MAGI2: variants seen among roughly 807,000 people sequenced by gnomAD.
MAGI2 encodes membrane-associated guanylate kinase, WW and PDZ domain-containing protein 2.
In MAGI2, 35 loss-of-function variants were observed where a neutral mutation model predicts 133.3. The observed-to-expected ratio is 0.26, with a 90% CI of 0.20 to 0.35. The LOEUF is 0.35. Ranked by LOEUF, MAGI2 falls within the 10% of genes least tolerant of loss-of-function variation. The pLI, the probability that MAGI2 is intolerant of heterozygous loss-of-function variation, is 1.00. For synonymous variants in MAGI2, 729 were observed against 710.6 expected (o/e 1.03, Z -0.41); for missense variants, 1,636 against 1,863.4 (o/e 0.88, Z 2.25).
intron 2 of MAGI2, among the ~76,000 whole-genome samples, chr7:78,649,734 A>G (rs1194442734): frequency 6.6e-6 from 1 of 152,084 alleles, no homozygotes; most frequent in African/African-American, 2.4e-5. Context: ...TGTTATAGGT[A>G]TCAGGTCATA....
intron 2 of MAGI2, among the ~76,000 whole-genome samples, chr7:78,956,963 C>T (rs1802426850): frequency 6.6e-6 from 1 of 151,898 alleles, no homozygotes; most frequent in African/African-American, 2.4e-5. Context: ...ATTTTGATGG[C>T]TATTATTAAA....
intron 2 of MAGI2, among the ~76,000 whole-genome samples, chr7:78,891,614 C>T (rs976500736): frequency 1.1e-4 from 17 of 152,164 alleles, no homozygotes; most frequent in Non-Finnish European, 2.1e-4. Context: ...GTAAACAGAA[C>T]CAATGACAAA....
At chr7:78,537,196 CACACACACACAG>C (rs961143153) in intron 3 of MAGI2, among the ~76,000 whole-genome samples, 2 of 151,826 alleles carry the variant, frequency 1.3e-5, no homozygotes, top group African/African-American at 2.4e-5. Flanking sequence ...CACACACACA[CACACACACACAG>C]ACACATTTTC....
intron 2 of MAGI2, among the ~76,000 whole-genome samples, chr7:78,854,632 G>A (rs565651660): frequency 1.3e-5 from 2 of 150,790 alleles, no homozygotes; most frequent in East Asian, 1.9e-4. Context: ...GGCTAGGTTG[G>A]TTTCTTCTTC....
intron 6 of MAGI2, among the ~76,000 whole-genome samples, chr7:78,425,859 G>C (rs1799228238): frequency 6.6e-6 from 1 of 152,184 alleles, no homozygotes; most frequent in Non-Finnish European, 1.5e-5. Flanking sequence ...ATCTGACAGG[G>C]TCAATAATCT....
Position 78,134,849 on chromosome 7 carries a change from C to T in MAGI2, c.3031+172G>A, listed in dbSNP as rs1273746878. On this transcript the variant is annotated intron_variant, in intron 17 of 21. Coordinates refer to ENST00000354212, the MANE Select transcript of MAGI2 (RefSeq NM_012301.4). ...TACTGAGTAAACAAGATATGGATTG[C>T]AACTGAGTGTGAGTTTTTGCAAAAG... The T allele has an allele frequency of 2.5e-5, 15 of 592,018 alleles. No homozygotes were observed. In the East Asian group the frequency reaches 3.1e-4, roughly 12 times the overall value. The allele number at this position is 592,018 out of a possible 1,614,324, so 36.7% of individuals were successfully genotyped here. A position where few individuals can be genotyped will look rare whatever the true frequency, so the allele number is the denominator to read the frequency against.
intron 16 of MAGI2, among the ~76,000 whole-genome samples, chr7:78,147,321 G>T (rs1432349525): frequency 6.6e-6 from 1 of 152,162 alleles, no homozygotes; most frequent in Non-Finnish European, 1.5e-5. Flanking sequence ...GACTTGAAAA[G>T]TGAGACCATC....
chr7:79,290,552 C>T (rs1286576450), intron 1 of MAGI2, among the ~76,000 whole-genome samples: 1 of 152,018 alleles, frequency 6.6e-6, no homozygotes, highest in Non-Finnish European at 1.5e-5. Flanking sequence ...ATGTTCACCT[C>T]AAATTTGCTT....
At chr7:78,962,539 A>G (rs1348699543) in intron 2 of MAGI2, among the ~76,000 whole-genome samples, 1 of 150,788 alleles carries the variant, frequency 6.6e-6, no homozygotes, top group Non-Finnish European at 1.5e-5. Flanking sequence ...AGATAGGTAC[A>G]TGCTGTGCTA....
chr7:79,136,084 A>AGAAAGAAAGAAAGAAG (rs1821505028), intron 1 of MAGI2, among the ~76,000 whole-genome samples: 2 of 141,072 alleles, frequency 1.4e-5, no homozygotes, highest in African/African-American at 5.7e-5. Flanking sequence ...AAAGAAAGAA[A>AGAAAGAAAGAAAGAAG]GAAAGAAAGA....
chr7:79,139,087 G>C (rs531622983), intron 1 of MAGI2, among the ~76,000 whole-genome samples: 35 of 151,746 alleles, frequency 2.3e-4, no homozygotes, highest in Non-Finnish European at 4.0e-4. Flanking sequence ...GCTAAGGGGA[G>C]AGGCCTTAGA....
intron 3 of MAGI2, among the ~76,000 whole-genome samples, chr7:78,547,332 T>C (rs1213412628): frequency 2.0e-5 from 3 of 152,236 alleles, no homozygotes; most frequent in Non-Finnish European, 4.4e-5. Flanking sequence ...AAGGAAAAAG[T>C]GTTTACAAGC....
Position 78,646,366 on chromosome 7 carries a change from T to C in MAGI2, c.419-19127A>G, listed in dbSNP as rs183655305. On this transcript the variant is annotated intron_variant, in intron 2 of 21. Transcript: ENST00000354212. ...TCATATAAGAGTATGGAAATGTTTA[T>C]GATGAGTAATGCTGCTTTAAAGCAA... is the stretch of plus-strand genomic sequence containing the variant. Among the ~76,000 whole-genome samples, 183 of 152,312 alleles carry C rather than the reference T, an allele frequency of 1.2e-3. 2 individuals are homozygous for C. Among genetic ancestry groups the C allele is most frequent in the Non-Finnish European group, 2.2e-3 (150 of 68,018 alleles).
intron 2 of MAGI2, among the ~76,000 whole-genome samples, chr7:78,730,789 G>C (rs114137956): frequency 0.016 from 2,502 of 152,166 alleles, 70 homozygotes; most frequent in African/African-American, 0.058. Flanking sequence ...TAAATATGCA[G>C]AAATGATCAG....
intron 2 of MAGI2, among the ~76,000 whole-genome samples, chr7:78,849,257 A>G (rs1035355329): frequency 6.6e-6 from 1 of 152,060 alleles, no homozygotes; most frequent in Non-Finnish European, 1.5e-5. Context: ...GAGTACAACA[A>G]TACAAGTACT....
chr7:78,388,362 T>C (rs533213827), intron 6 of MAGI2, among the ~76,000 whole-genome samples: 9 of 152,226 alleles, frequency 5.9e-5, no homozygotes, highest in African/African-American at 2.2e-4. Context: ...CTTGATGGAA[T>C]AGTGAATGAT....
chr7:78,841,078 T>C, intron 2 of MAGI2, among the ~76,000 whole-genome samples: 1 of 152,018 alleles, frequency 6.6e-6, no homozygotes, highest in East Asian at 1.9e-4. Context: ...AAAATAGTTC[T>C]CTATGACACC....
At chr7:78,888,425 T>G (rs1796448428) in intron 2 of MAGI2, among the ~76,000 whole-genome samples, 1 of 152,230 alleles carries the variant, frequency 6.6e-6, no homozygotes, top group African/African-American at 2.4e-5. Context: ...ATGGACAGAC[T>G]GCCTCCTCAA....
At chr7:78,783,485 A>C (rs149674694) in intron 2 of MAGI2, among the ~76,000 whole-genome samples, 2 of 152,252 alleles carry the variant, frequency 1.3e-5, no homozygotes, top group East Asian at 3.9e-4. Context: ...ATAATTATAG[A>C]TGTCTCTTGA....
Sources: allele counts gnomAD v4.1 joint callset (sites outside exome capture counted in the v4.1 genomes callset), GRCh38; gene constraint gnomAD v4.1.1; transcripts MANE v1.5; gene names NCBI Gene and HGNC (gene_info 2026-07-23, HGNC 2026-07-21).